RASAL2: variants seen among roughly 807,000 people sequenced by gnomAD.
The protein encoded by RASAL2 is RAS protein activator like 2.
In RASAL2, 58 loss-of-function variants were observed where a neutral mutation model predicts 128.9. The ratio of observed to expected loss-of-function variants is 0.45; its 90% CI spans 0.36 to 0.56. The LOEUF (loss-of-function observed/expected upper bound fraction) is 0.56, where lower values mean the gene tolerates loss of function less well. RASAL2 is among the 20% of genes least tolerant of loss of function. The pLI is 0.00. For missense variants in RASAL2, 1,360 were observed against 1,601.6 expected (o/e 0.85, Z 2.57); for synonymous variants, 561 against 580.8 (o/e 0.97, Z 0.49).
chr1:178,466,030 G>C lies in RASAL2; in HGVS notation c.3498G>C (p.Leu1166=). Residue 1166 remains leucine, a synonymous_variant, in exon 16 of 18, where the codon CTG becomes CTC. Coordinates refer to ENST00000367649, the MANE Select transcript of RASAL2 (RefSeq NM_170692.4). ...AGGAGCAGCAGATGCAGAAGCTGCT[G>C]CTGGAATACAAGGCCCGACTGGAGG... is the stretch of plus-strand genomic sequence containing the variant. ...LVQEQQMQKL[L]LEYKARLEDS... 1 of 1,577,286 alleles carries C rather than the reference G, an allele frequency of 6.3e-7. No homozygotes were observed. The highest frequency in any genetic ancestry group is 1.3e-5 in the African/African-American group (1 of 74,316).
intron 9 of RASAL2, among the ~76,000 whole-genome samples, chr1:178,446,305 T>C (rs1463102245): frequency 6.6e-6 from 1 of 152,142 alleles, no homozygotes; most frequent in Non-Finnish European, 1.5e-5. Context: ...TTGTTTTACC[T>C]CCATATCCCC....
In RASAL2 at chr1:178,276,493, C is replaced by A. The variant is rs181662636; in HGVS notation, c.203-7071C>A. Among the ~76,000 whole-genome samples, 137 of 151,812 alleles carry A rather than the reference C, an allele frequency of 9.0e-4. 1 individual carries two copies. Among genetic ancestry groups the A allele is most frequent in the African/African-American group, 3.2e-3 (132 of 41,318 alleles). On this transcript the variant is annotated intron_variant, in intron 1 of 17. Transcript: ENST00000367649. Reference sequence around the variant, plus strand: ...TAAATCTGCAGTATATTGTGGACTACTCCTCAACCACATTACAATTTTTTT... The same window carrying A: ...TAAATCTGCAGTATATTGTGGACTAATCCTCAACCACATTACAATTTTTTT...
intron 3 of RASAL2, among the ~76,000 whole-genome samples, chr1:178,378,580 G>T (rs1321531350): frequency 6.6e-6 from 1 of 152,100 alleles, no homozygotes; most frequent in Non-Finnish European, 1.5e-5. Flanking sequence ...AAGTTATACG[G>T]ATTGCATTCT....
intron 4 of RASAL2, among the ~76,000 whole-genome samples, chr1:178,392,891 T>G (rs898832024): frequency 3.3e-5 from 5 of 152,166 alleles, no homozygotes; most frequent in Admixed American, 3.3e-4. Flanking sequence ...CTAAAAAACC[T>G]TTGTATGCCT....
intron 4 of RASAL2, among the ~76,000 whole-genome samples, chr1:178,406,372 A>G (rs978837785): frequency 6.6e-6 from 1 of 152,204 alleles, no homozygotes; most frequent in African/African-American, 2.4e-5. Flanking sequence ...GGAAAAGATA[A>G]AACTATAGGA....
intron 1 of RASAL2, among the ~76,000 whole-genome samples, chr1:178,268,915 TTC>T (rs1467010558): frequency 1.3e-5 from 2 of 152,246 alleles, no homozygotes; most frequent in Non-Finnish European, 2.9e-5. Context: ...TACTACTTGC[TTC>T]TCTCCTGTAT....
chr1:178,282,362 C>T (rs185960359), intron 1 of RASAL2, among the ~76,000 whole-genome samples: 10 of 152,220 alleles, frequency 6.6e-5, no homozygotes, highest in African/African-American at 1.7e-4. Flanking sequence ...CAGAGACCTA[C>T]GTAGTTCTAT....
chr1:178,164,836 TG>T (rs1363321424), intron 1 of RASAL2, among the ~76,000 whole-genome samples: 2 of 149,192 alleles, frequency 1.3e-5, no homozygotes, highest in African/African-American at 5.0e-5. Flanking sequence ...TGTGTGTGTG[TG>T]TGTGTGTGTG....
At chr1:178,411,075 G>T (rs1256607405) in intron 4 of RASAL2, among the ~76,000 whole-genome samples, 4 of 152,124 alleles carry the variant, frequency 2.6e-5, no homozygotes, top group African/African-American at 9.6e-5. Flanking sequence ...CACGTATATA[G>T]TAGCACAATT....
chr1:178,143,364 T>C (rs1019286564), intron 1 of RASAL2, among the ~76,000 whole-genome samples: 2 of 152,062 alleles, frequency 1.3e-5, no homozygotes. Context: ...TGAGTGATAC[T>C]ACCTTCATTG....
intron 1 of RASAL2, among the ~76,000 whole-genome samples, chr1:178,244,112 T>G (rs963913466): frequency 9.8e-5 from 15 of 152,364 alleles, no homozygotes; most frequent in Non-Finnish European, 2.2e-4. Flanking sequence ...TTCAGTCAGT[T>G]TGCACTTATA....
intron 5 of RASAL2, among the ~76,000 whole-genome samples, chr1:178,433,039 G>A (rs1262351078): frequency 6.6e-6 from 1 of 152,008 alleles, no homozygotes; most frequent in African/African-American, 2.4e-5. Context: ...ACAAGTCTGT[G>A]ATCTCTCTCA....
At chr1:178,322,940 T>C (rs1329356397) in intron 3 of RASAL2, among the ~76,000 whole-genome samples, 2 of 152,218 alleles carry the variant, frequency 1.3e-5, no homozygotes, top group Non-Finnish European at 2.9e-5. Flanking sequence ...CTAGGCATTC[T>C]CAATACACAT....
chr1:178,356,624 A>G (rs2102461102), intron 3 of RASAL2, among the ~76,000 whole-genome samples: 1 of 152,326 alleles, frequency 6.6e-6, no homozygotes, highest in East Asian at 1.9e-4. Context: ...AAGAAAAGGA[A>G]AAAGAAAACA....
At chr1:178,364,051 G>A (rs531943616) in intron 3 of RASAL2, among the ~76,000 whole-genome samples, 3 of 150,892 alleles carry the variant, frequency 2.0e-5, no homozygotes, top group Non-Finnish European at 4.4e-5. Flanking sequence ...AGCCGAGATC[G>A]CGCCACTGCA....
At chr1:178,446,035 A>T (rs1676975817) in intron 9 of RASAL2, among the ~76,000 whole-genome samples, 1 of 152,188 alleles carries the variant, frequency 6.6e-6, no homozygotes, top group African/African-American at 2.4e-5. Flanking sequence ...ATTTGTTATC[A>T]TGCATGCAAA....
chr1:178,349,768 A>G (rs2102433272), intron 3 of RASAL2, among the ~76,000 whole-genome samples: 1 of 152,298 alleles, frequency 6.6e-6, no homozygotes, highest in Admixed American at 6.5e-5. Flanking sequence ...CTTTGGCTTT[A>G]ATATAATTTT....
intron 1 of RASAL2, among the ~76,000 whole-genome samples, chr1:178,127,896 A>T (rs1213775226): frequency 6.6e-6 from 1 of 152,150 alleles, no homozygotes; most frequent in Non-Finnish European, 1.5e-5. Context: ...ACAGAGCCAG[A>T]TAAAGAGCAT....
chr1:178,207,258 G>T (rs991552030), intron 1 of RASAL2, among the ~76,000 whole-genome samples: 3 of 151,842 alleles, frequency 2.0e-5, no homozygotes, highest in Non-Finnish European at 2.9e-5. Flanking sequence ...AAAGAAATAT[G>T]CACACACATA....
Sources: gnomAD v4.1 joint callset for allele counts (sites outside exome capture counted in the v4.1 genomes callset) on GRCh38, gnomAD v4.1.1 for gene constraint, MANE v1.5 for transcripts, NCBI Gene and HGNC (gene_info 2026-07-23, HGNC 2026-07-21) for gene names.